MOB3B: variants seen among roughly 807,000 people sequenced by gnomAD.
MOB3B encodes MOB kinase activator 3B.
In MOB3B, 7 loss-of-function variants were observed where a neutral mutation model predicts 18.7. That is an observed-to-expected ratio of 0.37 (90% CI 0.21 to 0.70). The LOEUF (loss-of-function observed/expected upper bound fraction) is 0.70. Ranked by LOEUF, MOB3B falls within the 30% of genes least tolerant of loss-of-function variation. The pLI, the probability that MOB3B is intolerant of heterozygous loss-of-function variation, is 0.52. For missense variants in MOB3B, 253 were observed against 281.3 expected (o/e 0.90, Z 0.72); for synonymous variants, 111 against 99.9 (o/e 1.11, Z -0.66).
chr9:27,425,782 T>A (rs1340028949), intron 2 of MOB3B, among the ~76,000 whole-genome samples: 1 of 152,212 alleles, frequency 6.6e-6, no homozygotes, highest in Non-Finnish European at 1.5e-5. Context: ...AGCCTTCTCT[T>A]CCTTTCCCTT....
chr9:27,461,631 T>C (rs889417753), intron 1 of MOB3B, among the ~76,000 whole-genome samples: 13 of 152,374 alleles, frequency 8.5e-5, no homozygotes, highest in African/African-American at 3.1e-4. Context: ...AGGACTATTC[T>C]GCTCATCTTC....
At chr9:27,466,292 T>A (rs1180423515) in intron 1 of MOB3B, among the ~76,000 whole-genome samples, 1 of 152,228 alleles carries the variant, frequency 6.6e-6, no homozygotes, top group Non-Finnish European at 1.5e-5. Context: ...GAGTCACCTT[T>A]GCTCCAGTTC....
Position 27,455,629 on chromosome 9 carries a change from C to G in MOB3B, c.-79G>C, listed in dbSNP as rs1336602212. ...TTTTCAGGGAGAGATCACAGCCCAA[C>G]AGTGTTTTCCACTGCCAGCACTCAG... On this transcript the variant is annotated 5_prime_UTR_variant, in exon 2 of 4. Coordinates refer to ENST00000262244, the MANE Select transcript of MOB3B (RefSeq NM_024761.5). The G allele has an allele frequency of 3.8e-6, 6 of 1,592,484 alleles. No homozygotes were observed. Among genetic ancestry groups the G allele is most frequent in the African/African-American group, 1.3e-5 (1 of 74,240 alleles).
At chr9:27,453,525 C>CA (rs1231147301) in intron 2 of MOB3B, among the ~76,000 whole-genome samples, 2 of 152,086 alleles carry the variant, frequency 1.3e-5, no homozygotes, top group Non-Finnish European at 2.9e-5. Context: ...AAGCAAAGCC[C>CA]AAAACCACCT....
At chr9:27,511,506 G>GA (rs1820143983) in intron 1 of MOB3B, among the ~76,000 whole-genome samples, 1 of 152,140 alleles carries the variant, frequency 6.6e-6, no homozygotes, top group South Asian at 2.1e-4. Flanking sequence ...CTGTGAGAAA[G>GA]AAGCTCCATG....
At chr9:27,471,950 A>G (rs144189984) in intron 1 of MOB3B, among the ~76,000 whole-genome samples, 2 of 152,324 alleles carry the variant, frequency 1.3e-5, no homozygotes, top group East Asian at 3.9e-4. Flanking sequence ...GGCCAGAAAG[A>G]ATCATCCCGA....
chr9:27,444,217 GAAAA>G (rs1383015969), intron 2 of MOB3B, among the ~76,000 whole-genome samples: 1 of 75,694 alleles, frequency 1.3e-5, no homozygotes, highest in African/African-American at 5.7e-5. Context: ...AAGAAAGAAA[GAAAA>G]AGAAAGGAGG....
intron 1 of MOB3B, among the ~76,000 whole-genome samples, chr9:27,462,013 C>G (rs1404541124): frequency 6.6e-6 from 1 of 152,184 alleles, no homozygotes. Context: ...AATGTTCCTT[C>G]TGGACACCAG....
intron 3 of MOB3B, 79 bp downstream of exon 3, chr9:27,358,955 C>T: frequency 1.4e-6 from 2 of 1,416,178 alleles, no homozygotes; most frequent in Non-Finnish European, 2.0e-6. Flanking sequence ...GAGCATTTTC[C>T]AGGGATTGAC....
At chr9:27,441,038 T>C (rs1822587264) in intron 2 of MOB3B, among the ~76,000 whole-genome samples, 1 of 152,084 alleles carries the variant, frequency 6.6e-6, no homozygotes, top group South Asian at 2.1e-4. Flanking sequence ...ATAGGGTCCG[T>C]GCTCCCATGA....
intron 1 of MOB3B, among the ~76,000 whole-genome samples, chr9:27,489,614 A>G (rs1819783655): frequency 6.6e-6 from 1 of 152,162 alleles, no homozygotes; most frequent in Non-Finnish European, 1.5e-5. Flanking sequence ...ATAAAGGCTA[A>G]CCACGTATGT....
chr9:27,500,534 T>A (rs907947248), intron 1 of MOB3B, among the ~76,000 whole-genome samples: 26 of 152,114 alleles, frequency 1.7e-4, no homozygotes, highest in Non-Finnish European at 2.8e-4. Context: ...CTGGGAAAAC[T>A]CGCTAGCCGT....
At chr9:27,331,565 C>T (rs902328708) in intron 3 of MOB3B, among the ~76,000 whole-genome samples, 1 of 152,200 alleles carries the variant, frequency 6.6e-6, no homozygotes, top group African/African-American at 2.4e-5. Flanking sequence ...CTCATTGAAT[C>T]GCCCCATGTG....
chr9:27,335,841 G>A (rs1178153800), intron 3 of MOB3B, among the ~76,000 whole-genome samples: 1 of 152,138 alleles, frequency 6.6e-6, no homozygotes, highest in African/African-American at 2.4e-5. Flanking sequence ...CTTTCACACT[G>A]TTGTGCGACC....
At chr9:27,517,023 A>C (rs910812403) in intron 1 of MOB3B, among the ~76,000 whole-genome samples, 6 of 152,086 alleles carry the variant, frequency 3.9e-5, no homozygotes, top group African/African-American at 1.4e-4. Context: ...CTAGCTAGAA[A>C]ACTGAGTTTC....
intron 2 of MOB3B, among the ~76,000 whole-genome samples, chr9:27,369,724 G>C (rs913111757): frequency 3.9e-5 from 6 of 152,148 alleles, no homozygotes; most frequent in Non-Finnish European, 4.4e-5. Flanking sequence ...GCTTCTGGGC[G>C]TTGCTACATA....
chr9:27,414,141 G>GA (rs1822113485), intron 2 of MOB3B, among the ~76,000 whole-genome samples: 1 of 152,170 alleles, frequency 6.6e-6, no homozygotes, highest in African/African-American at 2.4e-5. Flanking sequence ...CTTCCCCAGG[G>GA]AAAACCTTGC....
chr9:27,407,936 T>C (rs1286105247), intron 2 of MOB3B, among the ~76,000 whole-genome samples: 1 of 152,062 alleles, frequency 6.6e-6, no homozygotes, highest in Non-Finnish European at 1.5e-5. Context: ...ACACCTCAGA[T>C]ACTGGGGACC....
At chr9:27,441,114 A>T (rs1822589074) in intron 2 of MOB3B, among the ~76,000 whole-genome samples, 1 of 152,118 alleles carries the variant, frequency 6.6e-6, no homozygotes, top group African/African-American at 2.4e-5. Flanking sequence ...ATTACTGGCC[A>T]CTCACCTCCT....
Sources: allele counts gnomAD v4.1 joint callset (sites outside exome capture counted in the v4.1 genomes callset), GRCh38; gene constraint gnomAD v4.1.1; transcripts MANE v1.5; gene names NCBI Gene and HGNC (gene_info 2026-07-23, HGNC 2026-07-21).